RGS5: variants seen among roughly 807,000 people sequenced by gnomAD.
The protein encoded by RGS5 is regulator of G protein signaling 5, also known as regulator of G-protein signalling 5.
RGS5 carries 20 observed loss-of-function variants against 18.9 expected under a neutral mutation model. That is an observed-to-expected ratio of 1.06 (90% CI 0.74 to 1.54). The LOEUF (loss-of-function observed/expected upper bound fraction) is 1.54, where lower values mean the gene tolerates loss of function less well. Among genes scored for constraint, RGS5 ranks in the 40% most tolerant of loss-of-function variants. The probability of loss-of-function intolerance (pLI) is 0.00; values close to 1 mark genes in which losing one functional copy is unlikely to be tolerated. For missense variants in RGS5, 201 were observed against 211.8 expected (o/e 0.95, Z 0.32); for synonymous variants, 57 against 76.2 (o/e 0.75, Z 1.31).
chr1:163,161,228 C>T lies in RGS5; in HGVS notation c.217+687G>A, dbSNP rs557455957. On this transcript the variant is annotated intron_variant, in intron 3 of 4. Transcript: ENST00000313961. ...AGAACTGTTCAATTTGCCTGCAGAC[C>T]GGCCATATAGTTATGGTGATCTTGA... 2.6e-4 allele frequency among the ~76,000 whole-genome samples: 39 copies of T among 152,214 alleles called. 1 individual carries two copies. Among genetic ancestry groups the T allele is most frequent in the African/African-American group, 5.1e-4 (21 of 41,518 alleles).
At chr1:163,149,633 A>G (rs1212316028) in intron 4 of RGS5, among the ~76,000 whole-genome samples, 1 of 152,164 alleles carries the variant, frequency 6.6e-6, no homozygotes, top group African/African-American at 2.4e-5. Context: ...ATAATTTGCA[A>G]TGTATAAATT....
At chr1:163,318,570 G>A (rs1650091978) in intron 1 of RGS5, among the ~76,000 whole-genome samples, 1 of 152,280 alleles carries the variant, frequency 6.6e-6, no homozygotes, top group South Asian at 2.1e-4. Context: ...TAGAATCCAT[G>A]AGCAAATAGG....
At chr1:163,165,330 TAGGC>T (rs1657992650) in intron 2 of RGS5, among the ~76,000 whole-genome samples, 1 of 152,194 alleles carries the variant, frequency 6.6e-6, no homozygotes. Context: ...ATTGCTGACA[TAGGC>T]AGGGGAAAGG....
At chr1:163,233,076 G>C (rs976212142) in intron 2 of RGS5, among the ~76,000 whole-genome samples, 2 of 152,052 alleles carry the variant, frequency 1.3e-5, no homozygotes, top group African/African-American at 4.8e-5. Flanking sequence ...GACATTTTTG[G>C]AGAATAAAGG....
chr1:163,276,638 A>G (rs1648863840), intron 2 of RGS5, among the ~76,000 whole-genome samples: 1 of 152,184 alleles, frequency 6.6e-6, no homozygotes, highest in South Asian at 2.1e-4. Flanking sequence ...GTCCATGTCC[A>G]TTACTGTCTG....
At chr1:163,298,679 G>A (rs12734620) in intron 2 of RGS5, among the ~76,000 whole-genome samples, 22,505 of 152,130 alleles carry the variant, frequency 0.15, 1,972 homozygotes, top group Non-Finnish European at 0.19. Context: ...GGTGTCTCCT[G>A]TGAGTTAATC....
At chr1:163,296,288 TTTA>T (rs1649417546) in intron 2 of RGS5, among the ~76,000 whole-genome samples, 3 of 152,180 alleles carry the variant, frequency 2.0e-5, no homozygotes, top group Admixed American at 2.0e-4. Context: ...TCTACTCCTG[TTTA>T]TTGTCTTTGA....
intron 3 of RGS5, among the ~76,000 whole-genome samples, chr1:163,158,263 TAGG>T (rs1657664753): frequency 6.6e-6 from 1 of 152,004 alleles, no homozygotes; most frequent in South Asian, 2.1e-4. Context: ...GGTTCTTCTC[TAGG>T]AACAGCCAGA....
At chr1:163,266,708 G>A (rs1017174267) in intron 2 of RGS5, 2 of 151,970 alleles carry the variant, frequency 1.3e-5, no homozygotes, top group Admixed American at 6.6e-5. Context: ...TGTACTAATA[G>A]TTTTCCTTGT....
At chr1:163,172,674 C>T in intron 1 of RGS5, 4 of 1,456,684 alleles carry the variant, frequency 2.7e-6, no homozygotes, top group Non-Finnish European at 3.7e-6. Context: ...TTGGTATAGG[C>T]TCAAGTATAG....
At chr1:163,152,160 A>G (rs1158929423) in intron 4 of RGS5, among the ~76,000 whole-genome samples, 2 of 152,150 alleles carry the variant, frequency 1.3e-5, no homozygotes, top group African/African-American at 4.8e-5. Flanking sequence ...CAGATCAGAG[A>G]TGTTCAACCT....
chr1:163,280,784 A>G (rs1273072571), intron 2 of RGS5, among the ~76,000 whole-genome samples: 2 of 152,208 alleles, frequency 1.3e-5, no homozygotes, highest in Non-Finnish European at 2.9e-5. Flanking sequence ...AAATTTGTAT[A>G]GAACTGAAAA....
chr1:163,210,084 G>C (rs950385455), intron 1 of RGS5, among the ~76,000 whole-genome samples: 1 of 151,758 alleles, frequency 6.6e-6, no homozygotes, highest in Non-Finnish European at 1.5e-5. Flanking sequence ...CTGCTTGTTA[G>C]GCTCAAGTCA....
rs994646369 is a variant in RGS5 at position 163,146,298 on chromosome 1, C to T, written c.*1044G>A. 2.0e-5 allele frequency: 3 copies of T among 150,562 alleles called. No individual in the cohort carries two copies. The highest frequency in any genetic ancestry group is 4.4e-5 in the Non-Finnish European group (3 of 67,818). 9.3% of individuals were successfully genotyped at this position (150,562 alleles called of 1,614,324 possible). On this transcript the variant is annotated 3_prime_UTR_variant, in exon 5 of 5. Transcript: ENST00000313961. Reference sequence around the variant, plus strand: ...CCTTAAAAGTGTCTCACCTAGAAGGCCTCTACCTGTAATCACATTAATTTT... The same window carrying T: ...CCTTAAAAGTGTCTCACCTAGAAGGTCTCTACCTGTAATCACATTAATTTT...
chr1:163,168,361 C>G lies in RGS5; in HGVS notation c.52G>C (p.Glu18Gln). ...LPHSCLERAK[E>Q]IKIKLGILLQ... ...AGAATTCCCAACTTGATCTTAATCT[C>G]CTTGGCCCTGAAAGAAGAGACACAA... The change falls in exon 2 of 5, where the codon GAG (glutamate) becomes CAG (glutamine). Residue 18 changes from glutamate to glutamine, a missense_variant. By Grantham distance (29) the Glu-to-Gln change is conservative (BLOSUM62 2). Coordinates refer to ENST00000313961, the MANE Select transcript of RGS5 (RefSeq NM_003617.4). 1 of 1,613,008 alleles carries G rather than the reference C, an allele frequency of 6.2e-7. No individual in the cohort carries two copies. Among genetic ancestry groups the G allele is most frequent in the Admixed American group, 1.7e-5 (1 of 60,006 alleles).
In RGS5 at chr1:163,161,872, C is replaced by G. The variant is rs575266802; in HGVS notation, c.217+43G>C. On this transcript the variant is annotated intron_variant, in intron 3 of 4. Coordinates refer to ENST00000313961, the MANE Select transcript of RGS5 (RefSeq NM_003617.4). Reference sequence around the variant, plus strand: ...ACAAAGATGTTTTTTGTTTCTGTCTCTAACCTGACCTTTATTTAAAAAAAC... The same window carrying G: ...ACAAAGATGTTTTTTGTTTCTGTCTGTAACCTGACCTTTATTTAAAAAAAC... 20 of 1,499,956 alleles carry G rather than the reference C, an allele frequency of 1.3e-5. No individual in the cohort carries two copies. The South Asian group carries it at 1.8e-4, about 14-fold the overall frequency. 92.9% of individuals were successfully genotyped at this position (1,499,956 alleles called of 1,614,324 possible).
intron 2 of RGS5, among the ~76,000 whole-genome samples, chr1:163,275,080 C>T (rs1203996464): frequency 6.6e-6 from 1 of 152,186 alleles, no homozygotes; most frequent in Non-Finnish European, 1.5e-5. Context: ...CATGCCAGTG[C>T]ACTCCAGACT....
At chr1:163,295,950 G>A (rs370152205) in intron 2 of RGS5, among the ~76,000 whole-genome samples, 1 of 151,998 alleles carries the variant, frequency 6.6e-6, no homozygotes, top group East Asian at 1.9e-4. Context: ...ACAGAAATGG[G>A]CAGAGTACAG....
chr1:163,216,226 G>A (rs148319818), intron 1 of RGS5, among the ~76,000 whole-genome samples: 5 of 152,222 alleles, frequency 3.3e-5, no homozygotes, highest in African/African-American at 7.2e-5. Flanking sequence ...GCCCCTTATC[G>A]AAGGCTGCCA....
Sources: allele counts gnomAD v4.1 joint callset (sites outside exome capture counted in the v4.1 genomes callset), GRCh38; gene constraint gnomAD v4.1.1; transcripts MANE v1.5; gene names NCBI Gene and HGNC (gene_info 2026-07-23, HGNC 2026-07-21).